The following TTLL11 variants were observed in gnomAD, a reference collection of about 807,000 sequenced individuals.
TTLL11 encodes the protein tubulin tyrosine ligase like 11, also known as tubulin polyglutamylase TTLL11.
TTLL11 carries 42 observed loss-of-function variants against 51.7 expected under a neutral mutation model. The ratio of observed to expected loss-of-function variants is 0.81; its 90% confidence interval spans 0.64 to 1.05. TTLL11 has a LOEUF of 1.05. TTLL11 is among the 50% of genes least tolerant of loss of function. TTLL11 has a pLI of 0.00. For synonymous variants in TTLL11, 381 were observed against 383.5 expected (o/e 0.99, Z 0.08); for missense variants, 799 against 940.4 (o/e 0.85, Z 1.97).
chr9:121,835,249 C>T (rs1837151318), intron 8 of TTLL11, among the ~76,000 whole-genome samples: 1 of 152,320 alleles, frequency 6.6e-6, no homozygotes, highest in Admixed American at 6.5e-5. Flanking sequence ...ATTACCATGT[C>T]CTACTGCCAC....
intron 6 of TTLL11, among the ~76,000 whole-genome samples, chr9:121,933,972 G>A (rs1380440985): frequency 6.6e-6 from 1 of 152,210 alleles, no homozygotes; most frequent in Non-Finnish European, 1.5e-5. Flanking sequence ...GCTCACGCCT[G>A]TAATCCCAGC....
chr9:121,876,573 G>T (rs776341420), intron 6 of TTLL11, among the ~76,000 whole-genome samples: 1 of 152,214 alleles, frequency 6.6e-6, no homozygotes, highest in Non-Finnish European at 1.5e-5. Context: ...AGAGAAAGGT[G>T]CTTGGACTTA....
chr9:121,844,709 T>C (rs1837462953), intron 8 of TTLL11, among the ~76,000 whole-genome samples: 2 of 151,772 alleles, frequency 1.3e-5, no homozygotes, highest in Admixed American at 1.3e-4. Flanking sequence ...TAAAAAACAT[T>C]ATAACAGAAA....
At chr9:121,866,596 G>T (rs2131390355) in intron 7 of TTLL11, among the ~76,000 whole-genome samples, 1 of 148,896 alleles carries the variant, frequency 6.7e-6, no homozygotes, top group African/African-American at 2.5e-5. Context: ...GGAGGTGGAG[G>T]TTGCAGTGAA....
intron 3 of TTLL11, among the ~76,000 whole-genome samples, chr9:122,018,776 T>C (rs1241987101): frequency 1.3e-5 from 2 of 152,210 alleles, no homozygotes; most frequent in African/African-American, 4.8e-5. Context: ...AATCCTCCTT[T>C]ATATTAGAGA....
chr9:121,826,036 G>A lies in TTLL11; in HGVS notation c.1841-3157C>T, dbSNP rs570117407. On this transcript the variant is annotated intron_variant, in intron 8 of 8. Transcript: ENST00000321582. The stretch of plus-strand genomic sequence containing the variant: ...GGAAAGAGATGATGGAGGGGGAGAT[G>A]CTTTTAATTATGAACCCCTTACTAC... Among the ~76,000 whole-genome samples, 15 of 150,212 alleles carry A rather than the reference G, an allele frequency of 1.0e-4. 1 individual carries two copies. Among genetic ancestry groups the A allele is most frequent in the African/African-American group, 3.7e-4 (15 of 40,818 alleles).
At chr9:121,974,828 G>A in intron 5 of TTLL11, 56 bp downstream of exon 5, 1 of 1,284,984 alleles carries the variant, frequency 7.8e-7, no homozygotes. Context: ...GCAACATGAG[G>A]GTAGGAATAT....
intron 6 of TTLL11, among the ~76,000 whole-genome samples, chr9:121,893,439 A>T (rs1839335917): frequency 6.6e-6 from 1 of 152,162 alleles, no homozygotes; most frequent in Non-Finnish European, 1.5e-5. Context: ...TAACTTCTAC[A>T]ACAATCCTCT....
At chr9:121,859,895 C>T (rs752026646) in intron 8 of TTLL11, among the ~76,000 whole-genome samples, 5 of 152,188 alleles carry the variant, frequency 3.3e-5, no homozygotes, top group South Asian at 2.1e-4. Context: ...GCTGAGTTCC[C>T]GGATAGCTTC....
At chr9:121,899,557 A>G (rs893404911) in intron 6 of TTLL11, among the ~76,000 whole-genome samples, 2 of 151,590 alleles carry the variant, frequency 1.3e-5, no homozygotes, top group African/African-American at 2.4e-5. Flanking sequence ...GTGCACCACC[A>G]TGCCCAGCTA....
At chr9:122,025,780 A>G (rs1844313784) in intron 3 of TTLL11, among the ~76,000 whole-genome samples, 2 of 152,216 alleles carry the variant, frequency 1.3e-5, no homozygotes, top group Admixed American at 6.5e-5. Context: ...TGATCCAGCA[A>G]TTCAATTTTT....
chr9:121,861,596 G>A (rs547754242), intron 7 of TTLL11, among the ~76,000 whole-genome samples: 6 of 152,224 alleles, frequency 3.9e-5, no homozygotes, highest in African/African-American at 1.4e-4. Flanking sequence ...CACCAGCAAC[G>A]TGTCCTCATC....
Position 121,826,173 on chromosome 9 carries a change from T to TATATATATAA in TTLL11, c.1841-3295_1841-3294insTTATATATAT, listed in dbSNP as rs1462210276. Among the ~76,000 whole-genome samples, 470 of 69,654 alleles carry TATATATATAA rather than the reference T, an allele frequency of 6.7e-3. 14 individuals carry two copies. The highest frequency in any genetic ancestry group is 0.023 in the African/African-American group (435 of 19,180). 45.7% of individuals were successfully genotyped at this position (69,654 alleles called of 152,430 possible). On this transcript the variant is annotated intron_variant, in intron 8 of 8. Transcript: ENST00000321582. ...AGTAGAATATATATATATATATATA[T>TATATATATAA]AACCAGTAACCTATATATATATATA...
intron 6 of TTLL11, among the ~76,000 whole-genome samples, chr9:121,947,758 A>C (rs1411387321): frequency 6.6e-6 from 1 of 152,186 alleles, no homozygotes; most frequent in East Asian, 1.9e-4. Flanking sequence ...CTCCTATTAC[A>C]GAATAACAAG....
chr9:121,831,715 A>G (rs1229146430), intron 8 of TTLL11, among the ~76,000 whole-genome samples: 1 of 145,606 alleles, frequency 6.9e-6, no homozygotes, highest in Non-Finnish European at 1.5e-5. Context: ...AAAAAAAAAA[A>G]GAATGGTTTT....
intron 6 of TTLL11, among the ~76,000 whole-genome samples, chr9:121,939,586 T>A (rs1841362676): frequency 6.6e-6 from 1 of 151,610 alleles, no homozygotes; most frequent in Non-Finnish European, 1.5e-5. Context: ...AGCACAAGAG[T>A]GAGAGATCCA....
chr9:121,932,404 G>A (rs1841021134), intron 6 of TTLL11, among the ~76,000 whole-genome samples: 1 of 152,194 alleles, frequency 6.6e-6, no homozygotes, highest in South Asian at 2.1e-4. Context: ...GGCACCACCT[G>A]AGTACATAAC....
At chr9:121,852,593 C>T (rs1411653914) in intron 8 of TTLL11, among the ~76,000 whole-genome samples, 1 of 152,132 alleles carries the variant, frequency 6.6e-6, no homozygotes, top group Non-Finnish European at 1.5e-5. Context: ...ATCCTATTCT[C>T]TCCACCCTCA....
At chr9:121,849,704 T>C (rs1357572770) in intron 8 of TTLL11, among the ~76,000 whole-genome samples, 2 of 152,214 alleles carry the variant, frequency 1.3e-5, no homozygotes, top group Non-Finnish European at 2.9e-5. Flanking sequence ...GGTGGCACTA[T>C]ATACCTATCA....
Sources: gnomAD v4.1 joint callset for allele counts (sites outside exome capture counted in the v4.1 genomes callset) on GRCh38, gnomAD v4.1.1 for gene constraint, MANE v1.5 for transcripts, NCBI Gene and HGNC (gene_info 2026-07-23, HGNC 2026-07-21) for gene names.